BMERB1: variants seen among roughly 807,000 people sequenced by gnomAD.
BMERB1 encodes bMERB domain-containing protein 1.
In BMERB1, 12 loss-of-function variants were observed where a neutral mutation model predicts 23.6. The ratio of observed to expected loss-of-function variants is 0.51; its 90% CI spans 0.33 to 0.82. BMERB1 has a LOEUF of 0.82. Ranked by LOEUF, BMERB1 falls within the 40% of genes least tolerant of loss-of-function variation. The pLI is 0.03. For missense variants in BMERB1, 247 were observed against 255.4 expected (o/e 0.97, Z 0.22); for synonymous variants, 122 against 96.6 (o/e 1.26, Z -1.54).
intron 3 of BMERB1, among the ~76,000 whole-genome samples, chr16:15,575,903 G>GC (rs566125901): frequency 9.2e-5 from 14 of 152,154 alleles, no homozygotes; most frequent in African/African-American, 2.9e-4. Flanking sequence ...AAAGGGAGTA[G>GC]CCTCCAGTCC....
At chr16:15,532,843 C>G (rs546536978) in intron 2 of BMERB1, 1 of 374,084 alleles carries the variant, frequency 2.7e-6, no homozygotes, top group Non-Finnish European at 5.3e-6. Flanking sequence ...CCGCGCCTGG[C>G]CAGATCCCTG....
At chr16:15,520,739 G>A (rs375974190) in intron 2 of BMERB1, among the ~76,000 whole-genome samples, 3 of 151,888 alleles carry the variant, frequency 2.0e-5, no homozygotes, top group South Asian at 4.2e-4. Context: ...CTCCCGCCTT[G>A]GCCTCCCAAA....
intron 1 of BMERB1, among the ~76,000 whole-genome samples, chr16:15,436,648 C>G (rs1177070599): frequency 6.6e-6 from 1 of 152,006 alleles, no homozygotes; most frequent in Non-Finnish European, 1.5e-5. Context: ...ATTCTATCTA[C>G]CTATATTTTT....
chr16:15,585,285 A>G lies in BMERB1; in HGVS notation c.503-1432A>G, dbSNP rs1192691347. On this transcript the variant is annotated intron_variant, in intron 5 of 5. Transcript: ENST00000300006. ...GCCTTCTCTATTGGATTATGGGTGG[A>G]AAAAAGAAATGATTCTGGCGAGAAA... 2.6e-5 allele frequency among the ~76,000 whole-genome samples: 4 copies of G among 152,206 alleles called. 1 individual carries two copies. The highest frequency in any genetic ancestry group is 7.2e-5 in the African/African-American group (3 of 41,448).
chr16:15,532,773 C>G (rs940597921), intron 2 of BMERB1, among the ~76,000 whole-genome samples: 6 of 151,982 alleles, frequency 3.9e-5, no homozygotes, highest in Non-Finnish European at 7.4e-5. Flanking sequence ...TCTCAATCTC[C>G]TGACCTCGTG....
chr16:15,505,450 C>T (rs2051577553), intron 1 of BMERB1, among the ~76,000 whole-genome samples: 1 of 152,190 alleles, frequency 6.6e-6, no homozygotes, highest in Non-Finnish European at 1.5e-5. Context: ...GAACCTTAAG[C>T]AGGCTATAGT....
intron 1 of BMERB1, among the ~76,000 whole-genome samples, chr16:15,468,007 G>C (rs2051196141): frequency 6.6e-6 from 1 of 152,070 alleles, no homozygotes; most frequent in African/African-American, 2.4e-5. Context: ...AAGATAAGGG[G>C]TTGTGGAGAC....
chr16:15,587,546 G>A lies in BMERB1; in HGVS notation c.*717G>A, dbSNP rs1452265948. ...GGGCCTGGACTGGCATGGATCCAGT[G>A]TGCAGAAGAGCCAGCAGGGAACCGG... On this transcript the variant is annotated 3_prime_UTR_variant, in exon 6 of 6. Coordinates refer to ENST00000300006, the MANE Select transcript of BMERB1 (RefSeq NM_033201.3). 2.2e-6 allele frequency: 1 copy of A among 453,168 alleles called. No individual in the cohort carries two copies. The highest frequency in any genetic ancestry group is 1.6e-5 in the South Asian group (1 of 64,292). 28.1% of individuals were successfully genotyped at this position (453,168 alleles called of 1,614,324 possible).
In BMERB1 at chr16:15,520,576, C is replaced by T. The variant is rs138900251; in HGVS notation, c.230+5148C>T. On this transcript the variant is annotated intron_variant, in intron 2 of 5. Transcript: ENST00000300006. Reference sequence around the variant, plus strand: ...TGGACTCACTACAAGCTCCACCTCCCGGGTTCACGCCATTCTCCTGCCTCA... The same window carrying T: ...TGGACTCACTACAAGCTCCACCTCCTGGGTTCACGCCATTCTCCTGCCTCA... 3.7e-3 allele frequency among the ~76,000 whole-genome samples: 561 copies of T among 151,228 alleles called. 1 individual carries two copies. The highest frequency in any genetic ancestry group is 0.013 in the African/African-American group (520 of 41,126).
chr16:15,570,276 C>G (rs1188176823), intron 3 of BMERB1, among the ~76,000 whole-genome samples: 1 of 152,158 alleles, frequency 6.6e-6, no homozygotes, highest in Non-Finnish European at 1.5e-5. Context: ...CAAGGAGCCC[C>G]CAGGTTAGCA....
At chr16:15,497,145 C>T (rs893384506) in intron 1 of BMERB1, among the ~76,000 whole-genome samples, 2 of 152,234 alleles carry the variant, frequency 1.3e-5, no homozygotes, top group South Asian at 2.1e-4. Flanking sequence ...CACAGAAGGC[C>T]GACACTGAGA....
At chr16:15,464,184 G>A (rs1320915415) in intron 1 of BMERB1, among the ~76,000 whole-genome samples, 2 of 151,868 alleles carry the variant, frequency 1.3e-5, no homozygotes, top group African/African-American at 2.4e-5. Context: ...GTGGTGGTGG[G>A]CGACTGTAAT....
At chr16:15,455,900 G>A (rs153800) in intron 1 of BMERB1, among the ~76,000 whole-genome samples, 77,977 of 151,998 alleles carry the variant, frequency 0.51, 20,215 homozygotes, top group Admixed American at 0.61. Flanking sequence ...TTCTTTGAAA[G>A]GTCCGTCGTT....
chr16:15,473,032 G>A (rs2051243456), intron 1 of BMERB1, among the ~76,000 whole-genome samples: 1 of 151,816 alleles, frequency 6.6e-6, no homozygotes. Context: ...GCTAATTTTT[G>A]TATTTTCAGT....
At chr16:15,567,915 C>G (rs138969682) in intron 2 of BMERB1, 68 bp from the exon 3 acceptor site, 3 of 1,405,968 alleles carry the variant, frequency 2.1e-6, no homozygotes, top group Non-Finnish European at 3.0e-6. Flanking sequence ...TTTGTGTTAA[C>G]CGGGTGATGC....
At chr16:15,566,890 A>T (rs1022834316) in intron 2 of BMERB1, among the ~76,000 whole-genome samples, 3 of 151,612 alleles carry the variant, frequency 2.0e-5, no homozygotes, top group Non-Finnish European at 2.9e-5. Flanking sequence ...CTTTTTTTTT[A>T]AATCTGGAGG....
At chr16:15,556,599 T>TTTAG (rs1215755646) in intron 2 of BMERB1, among the ~76,000 whole-genome samples, 2 of 152,182 alleles carry the variant, frequency 1.3e-5, no homozygotes, top group Non-Finnish European at 1.5e-5. Flanking sequence ...TATTTATTTA[T>TTTAG]TTATTGAGAC....
chr16:15,561,284 T>TTG (rs1277304309), intron 2 of BMERB1, among the ~76,000 whole-genome samples: 13 of 122,288 alleles, frequency 1.1e-4, no homozygotes, highest in African/African-American at 4.4e-4. Context: ...TTTTTTTTTT[T>TTG]GGGAGAAGGA....
intron 5 of BMERB1, among the ~76,000 whole-genome samples, chr16:15,584,685 C>T (rs2031098632): frequency 6.6e-6 from 1 of 152,074 alleles, no homozygotes; most frequent in South Asian, 2.1e-4. Flanking sequence ...CTATTACCTC[C>T]CCTCCTTTTC....
Sources: gnomAD v4.1 joint callset for allele counts (sites outside exome capture counted in the v4.1 genomes callset) on GRCh38, gnomAD v4.1.1 for gene constraint, MANE v1.5 for transcripts, NCBI Gene and HGNC (gene_info 2026-07-23, HGNC 2026-07-21) for gene names.